PCSK5: variants seen among roughly 807,000 people sequenced by gnomAD.
PCSK5 encodes the protein prohormone convertase 5.
In PCSK5, 129 loss-of-function variants were observed where a neutral mutation model predicts 233.2. The observed-to-expected ratio is 0.55, with a 90% CI of 0.48 to 0.64. The LOEUF (loss-of-function observed/expected upper bound fraction) is 0.64. Ranked by LOEUF, PCSK5 falls within the 30% of genes least tolerant of loss-of-function variation. The pLI, the probability that PCSK5 is intolerant of heterozygous loss-of-function variation, is 0.00. For synonymous variants in PCSK5, 825 were observed against 879.2 expected (o/e 0.94, Z 1.09); for missense variants, 2,076 against 2,430.1 (o/e 0.85, Z 3.06).
chr9:76,082,095 G>A (rs1830864310), intron 7 of PCSK5, among the ~76,000 whole-genome samples: 2 of 151,932 alleles, frequency 1.3e-5, no homozygotes, highest in Admixed American at 6.6e-5. Context: ...AGGCTTCTTA[G>A]TAGGGCATAT....
At chr9:76,214,962 A>G (rs1248323382) in intron 20 of PCSK5, among the ~76,000 whole-genome samples, 1 of 152,170 alleles carries the variant, frequency 6.6e-6, no homozygotes, top group Non-Finnish European at 1.5e-5. Context: ...TTCTTTAGCC[A>G]TTTTGCAAGT....
chr9:76,012,960 C>T (rs1827793172), intron 3 of PCSK5, among the ~76,000 whole-genome samples: 1 of 152,072 alleles, frequency 6.6e-6, no homozygotes, highest in African/African-American at 2.4e-5. Context: ...TCCTTTAGAA[C>T]TGTTAGAATA....
intron 20 of PCSK5, chr9:76,194,661 C>T (rs1183692479): frequency 1.5e-5 from 6 of 407,524 alleles, no homozygotes; most frequent in South Asian, 3.7e-5. Context: ...AACACTTCAT[C>T]GAAACTAGAA....
At chr9:76,034,422 C>G (rs1301331021) in intron 5 of PCSK5, among the ~76,000 whole-genome samples, 1 of 152,158 alleles carries the variant, frequency 6.6e-6, no homozygotes, top group Non-Finnish European at 1.5e-5. Flanking sequence ...CCTTTACTAT[C>G]TTGACATATG....
At chr9:76,229,686 C>T (rs1277766823) in intron 21 of PCSK5, among the ~76,000 whole-genome samples, 1 of 152,074 alleles carries the variant, frequency 6.6e-6, no homozygotes, top group Non-Finnish European at 1.5e-5. Flanking sequence ...TTAATTAGGC[C>T]AAGTCAACAA....
chr9:75,897,103 A>G (rs4745464), intron 1 of PCSK5, among the ~76,000 whole-genome samples: 88,456 of 151,976 alleles, frequency 0.58, 27,870 homozygotes, highest in African/African-American at 0.81. Flanking sequence ...CACCTCATAG[A>G]GTTGCTGTGA....
chr9:76,007,436 TTAG>T (rs1341133797), intron 3 of PCSK5, among the ~76,000 whole-genome samples: 1 of 152,204 alleles, frequency 6.6e-6, no homozygotes, highest in African/African-American at 2.4e-5. Context: ...TCTTAGATCA[TTAG>T]TAGCAATTGT....
At chr9:75,950,698 A>G (rs888549236) in intron 2 of PCSK5, among the ~76,000 whole-genome samples, 2 of 152,322 alleles carry the variant, frequency 1.3e-5, no homozygotes, top group Non-Finnish European at 2.9e-5. Flanking sequence ...AGCACTAAAC[A>G]TGGAAAGGAA....
chr9:75,959,875 C>T (rs1825266656), intron 2 of PCSK5, among the ~76,000 whole-genome samples: 1 of 152,244 alleles, frequency 6.6e-6, no homozygotes, highest in Non-Finnish European at 1.5e-5. Flanking sequence ...ATGGTAAAGA[C>T]AATAGCTGCC....
intron 13 of PCSK5, among the ~76,000 whole-genome samples, chr9:76,170,892 T>C (rs1387438726): frequency 1.3e-5 from 2 of 152,176 alleles, no homozygotes; most frequent in African/African-American, 2.4e-5. Context: ...GAGAGATCCA[T>C]TGTTGACTGT....
Position 75,989,495 on chromosome 9 carries a change from TAA to T in PCSK5, c.411+3262_411+3263del, listed in dbSNP as rs72388137. 4.2e-3 allele frequency among the ~76,000 whole-genome samples: 606 copies of T among 145,322 alleles called. 13 individuals carry two copies. Among genetic ancestry groups the T allele is most frequent in the Admixed American group, 0.026 (386 of 14,654 alleles). ...GGTGACAGAATGAGACCCCCTCAAA[TAA>T]AAAAAAAAAAACAATTATCTCATAG... On this transcript the variant is annotated intron_variant, in intron 3 of 37. Coordinates refer to ENST00000674117, the MANE Select transcript of PCSK5 (RefSeq NM_001372043.1).
At chr9:76,031,583 G>T (rs1400682606) in intron 5 of PCSK5, among the ~76,000 whole-genome samples, 1 of 152,110 alleles carries the variant, frequency 6.6e-6, no homozygotes, top group Non-Finnish European at 1.5e-5. Flanking sequence ...CAGAAACTTG[G>T]GAGGCTGAGA....
At chr9:76,074,664 T>C (rs1199437211) in intron 7 of PCSK5, among the ~76,000 whole-genome samples, 1 of 152,210 alleles carries the variant, frequency 6.6e-6, no homozygotes, top group Non-Finnish European at 1.5e-5. Flanking sequence ...ACCTCTCTGC[T>C]TCCATTTTCT....
intron 5 of PCSK5, among the ~76,000 whole-genome samples, chr9:76,041,374 T>A (rs1829108806): frequency 1.3e-5 from 2 of 152,164 alleles, no homozygotes. Flanking sequence ...TGACTGACAG[T>A]GCCCTGGTAT....
Position 76,181,511 on chromosome 9 carries a change from C to T in PCSK5, c.2117C>T (p.Ser706Phe), listed in dbSNP as rs1309994347. ...CFGSHGDQCM[S>F]CKYGYFLNEE... ...GGGAGCCATGGTGACCAATGCATGT[C>T]CTGCAAATATGGATACTTTCTGAAT... Residue 706 changes from serine to phenylalanine, a missense_variant, in exon 16 of 38, where the codon TCC becomes TTC. Ser to Phe is a radical substitution (Grantham distance 155, BLOSUM62 -2). This residue lies in a region of PCSK5 where 1,510 missense variants were observed against 1,538.1 expected (regional missense o/e 0.98). Coordinates refer to ENST00000674117, the MANE Select transcript of PCSK5 (RefSeq NM_001372043.1). 3.7e-6 allele frequency: 6 copies of T among 1,613,864 alleles called. No homozygotes were observed. The highest frequency in any genetic ancestry group is 1.7e-5 in the Admixed American group (1 of 59,984).
intron 7 of PCSK5, among the ~76,000 whole-genome samples, chr9:76,074,941 C>T (rs1217431459): frequency 1.3e-5 from 2 of 151,980 alleles, no homozygotes; most frequent in Non-Finnish European, 2.9e-5. Context: ...TGATGCAGGC[C>T]GGGTGTGGTG....
intron 1 of PCSK5, among the ~76,000 whole-genome samples, chr9:75,914,047 A>G (rs1329535563): frequency 6.6e-6 from 1 of 152,146 alleles, no homozygotes; most frequent in Non-Finnish European, 1.5e-5. Context: ...TAGTTTTCTA[A>G]TCATTGGAGG....
intron 20 of PCSK5, among the ~76,000 whole-genome samples, chr9:76,222,760 T>C (rs1254586913): frequency 6.6e-6 from 1 of 152,214 alleles, no homozygotes; most frequent in Non-Finnish European, 1.5e-5. Context: ...AGCCTTGCTA[T>C]AAAACTTTAT....
At chr9:75,948,774 C>A (rs1232718992) in intron 2 of PCSK5, among the ~76,000 whole-genome samples, 1 of 152,126 alleles carries the variant, frequency 6.6e-6, no homozygotes, top group Non-Finnish European at 1.5e-5. Context: ...TCCACTCCCA[C>A]CAACAGTGTA....
Sources: allele counts gnomAD v4.1 joint callset (sites outside exome capture counted in the v4.1 genomes callset), GRCh38; gene constraint gnomAD v4.1.1; regional missense constraint gnomAD v4.1.1; transcripts MANE v1.5; gene names NCBI Gene and HGNC (gene_info 2026-07-23, HGNC 2026-07-21).